The following GPM6A variants were observed in gnomAD, a reference collection of about 807,000 sequenced individuals.
GPM6A encodes the protein neuronal membrane glycoprotein M6-a.
GPM6A carries 7 observed loss-of-function variants against 32.1 expected under a neutral mutation model. The observed-to-expected ratio is 0.22, with a 90% CI of 0.12 to 0.41. GPM6A has a LOEUF of 0.41. Among genes scored for constraint, GPM6A ranks in the 10% least tolerant of loss-of-function variants. The pLI, the probability that GPM6A is intolerant of heterozygous loss-of-function variation, is 1.00. For synonymous variants in GPM6A, 130 were observed against 123.4 expected, an observed-to-expected ratio of 1.05 and a Z score of -0.35; for missense variants, 235 against 347.2, an observed-to-expected ratio of 0.68 and a Z score of 2.57.
At chr4:175,959,446 A>T (rs767814295) in intron 1 of GPM6A, among the ~76,000 whole-genome samples, 30 of 152,050 alleles carry the variant, frequency 2.0e-4, no homozygotes, top group Non-Finnish European at 7.4e-5. Flanking sequence ...ACACACACAC[A>T]CACACCCCAC....
Position 175,640,774 on chromosome 4 carries a change from C to T in GPM6A, c.597G>A (p.Leu199=). 1.2e-6 allele frequency: 2 copies of T among 1,609,428 alleles called. No individual in the cohort carries two copies. Among genetic ancestry groups the T allele is most frequent in the Non-Finnish European group, 1.7e-6 (2 of 1,176,270 alleles). The change falls in exon 5 of 7, where the codon TTG becomes TTA. Residue 199 remains leucine (L), a synonymous_variant. Coordinates refer to ENST00000393658, the MANE Select transcript of GPM6A (RefSeq NM_201591.3). ...TCACCTCAGTAGATTCGCACATCCT[C>T]AAGAAATTCTCAGAGACAGTACAAA... is the stretch of plus-strand genomic sequence containing the variant. ...KKICTVSENF[L]RMCESTELNM... is the part of the protein sequence containing the mutation.
chr4:175,732,640 T>C (rs573618649), intron 1 of GPM6A, among the ~76,000 whole-genome samples: 20 of 152,284 alleles, frequency 1.3e-4, no homozygotes, highest in Middle Eastern at 6.8e-3. Flanking sequence ...TTCTTTGAGA[T>C]GAAAATATCA....
chr4:175,957,695 C>A (rs1740032722), intron 1 of GPM6A, among the ~76,000 whole-genome samples: 1 of 151,894 alleles, frequency 6.6e-6, no homozygotes, highest in African/African-American at 2.4e-5. Flanking sequence ...ACATGTATCC[C>A]AGAATTTAAA....
At chr4:175,737,866 A>C (rs1431785764) in intron 1 of GPM6A, among the ~76,000 whole-genome samples, 1 of 151,978 alleles carries the variant, frequency 6.6e-6, no homozygotes, top group Non-Finnish European at 1.5e-5. Flanking sequence ...AATTACTTGG[A>C]GAGGGCACCA....
chr4:175,668,362 G>C (rs971753295), intron 3 of GPM6A, among the ~76,000 whole-genome samples: 29 of 151,494 alleles, frequency 1.9e-4, no homozygotes, highest in African/African-American at 7.0e-4. Context: ...CCCTATGTTT[G>C]AAGGAGTCTA....
chr4:175,819,097 C>T (rs1735199521), intron 1 of GPM6A, among the ~76,000 whole-genome samples: 1 of 152,192 alleles, frequency 6.6e-6, no homozygotes, highest in African/African-American at 2.4e-5. Flanking sequence ...ATCCAAATCT[C>T]TTTCTGGTAA....
At chr4:175,896,867 T>G (rs1737808676) in intron 1 of GPM6A, among the ~76,000 whole-genome samples, 1 of 152,174 alleles carries the variant, frequency 6.6e-6, no homozygotes, top group African/African-American at 2.4e-5. Context: ...TTCATTTGTT[T>G]GTTTCAAATC....
chr4:175,893,153 G>C (rs1382950353), intron 1 of GPM6A, among the ~76,000 whole-genome samples: 2 of 152,190 alleles, frequency 1.3e-5, no homozygotes, highest in African/African-American at 4.8e-5. Context: ...AAACCTACGA[G>C]CCTGATGCTC....
At chr4:175,764,495 T>A (rs1201947940) in intron 1 of GPM6A, among the ~76,000 whole-genome samples, 1 of 152,192 alleles carries the variant, frequency 6.6e-6, no homozygotes, top group African/African-American at 2.4e-5. Context: ...AGATAACGTA[T>A]GTCATGTGAT....
chr4:175,909,038 A>G (rs1193877756), intron 1 of GPM6A, among the ~76,000 whole-genome samples: 3 of 4,276 alleles, frequency 7.0e-4, no homozygotes, highest in East Asian at 0.021. Context: ...CAAAAAAAAA[A>G]GGGCGGGGGG....
At position 175,871,378 on chromosome 4, in the gene GPM6A, G is replaced by A. The variant is rs544529755; in HGVS notation, c.-22-59129C>T. On this transcript the variant is annotated intron_variant, in intron 1 of 7. Coordinates refer to the GPM6A transcript ENST00000280187. ...CAAGCTACTTGGAAAGCTGAGGCAG[G>A]AGAATCACTTGAACCCAGGAAGCGG... is the stretch of plus-strand genomic sequence containing the variant. 1.9e-3 allele frequency among the ~76,000 whole-genome samples: 285 copies of A among 152,118 alleles called. 2 individuals carry two copies. The highest frequency in any genetic ancestry group is 2.6e-3 in the Non-Finnish European group (176 of 68,002).
chr4:175,858,746 T>C (rs1226811160), intron 1 of GPM6A, among the ~76,000 whole-genome samples: 1 of 152,168 alleles, frequency 6.6e-6, no homozygotes, highest in African/African-American at 2.4e-5. Context: ...GAAACGAAGG[T>C]GTGTGTCCAT....
chr4:175,747,519 A>G (rs923579997), intron 1 of GPM6A, among the ~76,000 whole-genome samples: 2 of 152,198 alleles, frequency 1.3e-5, no homozygotes, highest in Non-Finnish European at 2.9e-5. Context: ...AGTCACACAC[A>G]TATTTTTTGA....
chr4:175,920,685 T>C (rs941208290), intron 1 of GPM6A, among the ~76,000 whole-genome samples: 5 of 151,922 alleles, frequency 3.3e-5, no homozygotes, highest in African/African-American at 4.8e-5. Context: ...CCGTCTTTAC[T>C]AAAAATGCAA....
intron 4 of GPM6A, among the ~76,000 whole-genome samples, chr4:175,646,709 A>G (rs1741482297): frequency 6.6e-6 from 1 of 152,174 alleles, no homozygotes; most frequent in Non-Finnish European, 1.5e-5. Flanking sequence ...TGGTCTTAAA[A>G]CTTGAAATTT....
intron 1 of GPM6A, among the ~76,000 whole-genome samples, chr4:175,729,913 T>C (rs1731345105): frequency 6.8e-6 from 1 of 146,914 alleles, no homozygotes; most frequent in African/African-American, 2.5e-5. Flanking sequence ...TCAAATAATA[T>C]ATATATTATT....
At chr4:175,710,120 GT>G (rs1457702287) in intron 1 of GPM6A, among the ~76,000 whole-genome samples, 11 of 151,770 alleles carry the variant, frequency 7.2e-5, no homozygotes, top group African/African-American at 2.7e-4. Context: ...AAAGCTGAAG[GT>G]TTTCCAACAT....
At chr4:175,685,270 T>G (rs1014840801) in intron 2 of GPM6A, among the ~76,000 whole-genome samples, 4 of 152,320 alleles carry the variant, frequency 2.6e-5, no homozygotes, top group African/African-American at 9.6e-5. Flanking sequence ...TTTATTAGGG[T>G]ATACTGAATC....
At chr4:175,836,487 T>C (rs540549078) in intron 1 of GPM6A, among the ~76,000 whole-genome samples, 1 of 152,286 alleles carries the variant, frequency 6.6e-6, no homozygotes, top group South Asian at 2.1e-4. Flanking sequence ...CATAGTGGTA[T>C]GTTCTGAAGA....
Sources: allele counts gnomAD v4.1 joint callset (sites outside exome capture counted in the v4.1 genomes callset), GRCh38; gene constraint gnomAD v4.1.1; transcripts MANE v1.5; gene names NCBI Gene and HGNC (gene_info 2026-07-23, HGNC 2026-07-21).